The following PDE4DIP variants were observed in gnomAD, a reference collection of about 807,000 sequenced individuals.
PDE4DIP encodes phosphodiesterase 4D interacting protein, also known as myomegalin.
A neutral mutation model predicts 221.4 loss-of-function variants in PDE4DIP; 59 were observed. The ratio of observed to expected loss-of-function variants is 0.27; its 90% CI spans 0.22 to 0.33. The LOEUF is 0.33. Ranked by LOEUF, PDE4DIP falls within the 10% of genes least tolerant of loss-of-function variation. The pLI is 1.00. For missense variants in PDE4DIP, 1,036 were observed against 2,154.2 expected (o/e 0.48, Z 10.28); for synonymous variants, 404 against 815.9 (o/e 0.50, Z 8.60).
chr1:148,923,373 CT>C (rs2045924911), intron 1 of PDE4DIP, among the ~76,000 whole-genome samples: 1 of 151,190 alleles, frequency 6.6e-6, no homozygotes, highest in African/African-American at 2.4e-5. Flanking sequence ...TCTATTCCTT[CT>C]TTGTTCTCTT....
At chr1:149,026,557 T>C (rs2075235802) in intron 38 of PDE4DIP, 158 bp from the exon 42 acceptor site, 2 of 550,390 alleles carry the variant, frequency 3.6e-6, no homozygotes, top group East Asian at 2.7e-5. Flanking sequence ...CAGTGACTCA[T>C]AGGCTTTTGA....
At chr1:148,934,729 G>A (rs1226226698) in intron 4 of PDE4DIP, among the ~76,000 whole-genome samples, 36 of 151,842 alleles carry the variant, frequency 2.4e-4, no homozygotes, top group South Asian at 1.0e-3. Flanking sequence ...TCAGCCTCCC[G>A]AGTAGCTGGG....
chr1:148,998,502 C>G (rs1575096305), intron 23 of PDE4DIP, 127 bp downstream of exon 26: 1 of 566,976 alleles, frequency 1.8e-6, no homozygotes, highest in South Asian at 2.4e-5. Context: ...GTAATATTGG[C>G]TAATGGTAAT....
At chr1:148,915,349 C>T (rs1324431157) in intron 1 of PDE4DIP, among the ~76,000 whole-genome samples, 8 of 152,296 alleles carry the variant, frequency 5.3e-5, no homozygotes, top group African/African-American at 7.2e-5. Flanking sequence ...GGGGTTTCAC[C>T]ATGTTGACCA....
At chr1:148,829,119 C>G (rs587715675) in intron 1 of PDE4DIP, among the ~76,000 whole-genome samples, 2 of 145,708 alleles carry the variant, frequency 1.4e-5, no homozygotes, top group African/African-American at 5.0e-5. Context: ...CCCTAGACCT[C>G]CAGCCAGCAA....
chr1:148,933,944 G>A (rs1553472926), intron 4 of PDE4DIP, among the ~76,000 whole-genome samples: 2 of 148,380 alleles, frequency 1.3e-5, no homozygotes, highest in East Asian at 2.0e-4. Flanking sequence ...ACAGCCCCAT[G>A]AGATATGAAT....
chr1:148,824,697 G>A (rs1365651603), intron 1 of PDE4DIP, among the ~76,000 whole-genome samples: 2 of 40,078 alleles, frequency 5.0e-5, no homozygotes, highest in African/African-American at 2.0e-4. Context: ...AGTATAACCA[G>A]AGCTGAGGCT....
chr1:149,006,994 G>T (rs1373044085), intron 27 of PDE4DIP, among the ~76,000 whole-genome samples: 1 of 141,768 alleles, frequency 7.1e-6, no homozygotes, highest in Non-Finnish European at 1.5e-5. Context: ...GAGCTACCAC[G>T]CCCGGCCCGT....
Position 148,941,166 on chromosome 1 carries a change from A to C in PDE4DIP, c.636+3302A>C, listed in dbSNP as rs201501376. On this transcript the variant is annotated intron_variant, in intron 5 of 43. Coordinates refer to ENST00000369354, the Ensembl canonical transcript of PDE4DIP. ...AAGACTGGTATGTAAACAAAGAACT[A>C]AAATACAGTGTGATAAATGAGGAGA... is the stretch of plus-strand genomic sequence containing the variant. Among the ~76,000 whole-genome samples the C allele has an allele frequency of 4.6e-4, 41 of 89,250 alleles. 1 individual carries two copies. The East Asian group carries it at 0.011, about 24-fold the overall frequency. 58.6% of individuals were successfully genotyped at this position (89,250 alleles called of 152,430 possible).
In PDE4DIP at chr1:149,028,477, A is replaced by G. The variant is rs879983510; in HGVS notation, c.6670-83A>G. The G allele has an allele frequency of 2.4e-3, 2,990 of 1,231,054 alleles. 92 individuals carry two copies. The South Asian group carries it at 0.039, about 16-fold the overall frequency. The allele number at this position is 1,231,054 out of a possible 1,614,324, so 76.3% of individuals were successfully genotyped here. A position where few individuals can be genotyped will look rare whatever the true frequency, so the allele number is the denominator to read the frequency against. ...ACAGGTTCAAGCAGGCCCATGTTCT[A>G]TGCCTCACTCACAAAGGAAGCTTGA... On this transcript the variant is annotated intron_variant, in intron 40 of 43. Transcript: ENST00000369354.
chr1:148,953,111 G>A (rs2054012079), intron 5 of PDE4DIP: 11 of 1,613,962 alleles, frequency 6.8e-6, no homozygotes, highest in Non-Finnish European at 8.5e-6. Flanking sequence ...GATCAAGGCG[G>A]GGAATGGGAC....
At position 148,855,996 on chromosome 1, in the gene PDE4DIP, C is replaced by T. The variant is rs587600558; in HGVS notation, c.234-7254C>T. Among the ~76,000 whole-genome samples, 27 of 94,036 alleles carry T rather than the reference C, an allele frequency of 2.9e-4. 10 individuals are homozygous for T. Among genetic ancestry groups the T allele is most frequent in the East Asian group, 1.7e-3 (2 of 1,184 alleles). The allele number at this position is 94,036 out of a possible 152,430, so 61.7% of individuals were successfully genotyped here. A position where few individuals can be genotyped will look rare whatever the true frequency, so the allele number is the denominator to read the frequency against. ...GTAGGGACAATGCCAAGTGTTAACA[C>T]GGGAGGGGTTGGAGAAAGATGTAAA... On this transcript the variant is annotated intron_variant, in intron 1 of 45. Coordinates refer to the PDE4DIP transcript ENST00000524974.
chr1:148,930,110 AT>A (rs2047543724), intron 2 of PDE4DIP: 1 of 151,580 alleles, frequency 6.6e-6, no homozygotes, highest in Non-Finnish European at 1.5e-5. Context: ...TACTTTTATA[AT>A]TTACAGTTTT....
At chr1:148,934,704 A>G (rs587774483) in intron 4 of PDE4DIP, among the ~76,000 whole-genome samples, 1 of 152,084 alleles carries the variant, frequency 6.6e-6, no homozygotes, top group Non-Finnish European at 1.5e-5. Context: ...CCCAGGTTCA[A>G]CCGATTTTCC....
chr1:148,975,058 C>T (rs1266946653), intron 17 of PDE4DIP, among the ~76,000 whole-genome samples: 3 of 137,852 alleles, frequency 2.2e-5, no homozygotes, highest in African/African-American at 8.0e-5. Context: ...GTAATCCCAG[C>T]TACTCGGGAG....
exon 44 of PDE4DIP, chr1:149,032,504 C>A: frequency 3.0e-6 from 1 of 336,134 alleles, no homozygotes; most frequent in South Asian, 5.0e-5. Context: ...ACTCACAGAT[C>A]CACACCTGAC....
chr1:148,961,955 A>C (rs1553511285), exon 7 of PDE4DIP: 1 of 1,076,818 alleles, frequency 9.3e-7, no homozygotes, highest in Non-Finnish European at 1.4e-6. Context: ...AGGGAACGTG[A>C]GGTAACATAT....
At chr1:148,930,170 A>C (rs2047563971) in intron 2 of PDE4DIP, 1 of 151,916 alleles carries the variant, frequency 6.6e-6, no homozygotes, top group Non-Finnish European at 1.5e-5. Context: ...TATTAAAAAT[A>C]TTTTCAGACT....
chr1:149,005,549 A>G (rs1176883392), intron 27 of PDE4DIP, 112 bp downstream of exon 30: 1 of 920,070 alleles, frequency 1.1e-6, no homozygotes, highest in Non-Finnish European at 1.7e-6. Context: ...ATTCACAGGG[A>G]CACTGATTTA....
Sources: gnomAD v4.1 joint callset for allele counts (sites outside exome capture counted in the v4.1 genomes callset) on GRCh38, gnomAD v4.1.1 for gene constraint, MANE v1.5 for transcripts, NCBI Gene and HGNC (gene_info 2026-07-23, HGNC 2026-07-21) for gene names.